The following RNF185 variants were observed in gnomAD, a reference collection of about 807,000 sequenced individuals.
RNF185 encodes the protein E3 ubiquitin-protein ligase RNF185.
A neutral mutation model predicts 24.9 loss-of-function variants in RNF185; 13 were observed. That is an observed-to-expected ratio of 0.52 (90% CI 0.34 to 0.83). The LOEUF (loss-of-function observed/expected upper bound fraction) is 0.83, where lower values mean the gene tolerates loss of function less well. RNF185 is among the 40% of genes least tolerant of loss of function. The pLI is 0.01. For missense variants in RNF185, 184 were observed against 244.7 expected, an observed-to-expected ratio of 0.75 and a Z score of 1.65; for synonymous variants, 79 against 90.3, an observed-to-expected ratio of 0.88 and a Z score of 0.71.
intron 1 of RNF185, among the ~76,000 whole-genome samples, chr22:31,166,323 A>G (rs1375271069): frequency 6.6e-6 from 1 of 152,100 alleles, no homozygotes; most frequent in East Asian, 1.9e-4. Context: ...TGGGAAATAC[A>G]GAAAAATCTC....
At chr22:31,204,055 A>G (rs1418237372) in intron 6 of RNF185, among the ~76,000 whole-genome samples, 1 of 147,262 alleles carries the variant, frequency 6.8e-6, no homozygotes, top group East Asian at 2.0e-4. Flanking sequence ...AAGAAAAAAA[A>G]AAAAAAAGGC....
At chr22:31,174,317 TAG>T (rs1306485142) in intron 1 of RNF185, among the ~76,000 whole-genome samples, 1 of 152,224 alleles carries the variant, frequency 6.6e-6, no homozygotes, top group Non-Finnish European at 1.5e-5. Context: ...GGCAACTTCT[TAG>T]ATGACACTTA....
chr22:31,203,861 C>T (rs540491550), intron 6 of RNF185, among the ~76,000 whole-genome samples: 20 of 151,718 alleles, frequency 1.3e-4, no homozygotes, highest in Admixed American at 1.3e-3. Context: ...CATGGTGAAA[C>T]CCTGTTCCTA....
At chr22:31,165,274 T>C (rs1407189438) in intron 1 of RNF185, among the ~76,000 whole-genome samples, 3 of 152,150 alleles carry the variant, frequency 2.0e-5, no homozygotes, top group Non-Finnish European at 4.4e-5. Flanking sequence ...CACTTGTTAT[T>C]GCCCACTAAA....
Position 31,195,033 on chromosome 22 carries a change from A to C in RNF185, c.196-436A>C, listed in dbSNP as rs910920043. Among the ~76,000 whole-genome samples the C allele has an allele frequency of 1.6e-4, 24 of 151,600 alleles. 1 individual carries two copies. The highest frequency in any genetic ancestry group is 1.5e-3 in the Admixed American group (23 of 15,222). Reference sequence around the variant, plus strand: ...AGTGGTGCAATCTCGGCTCACTGCAACCTCCGCCTCCCGGGTTCAAGCGAT... The same window carrying C: ...AGTGGTGCAATCTCGGCTCACTGCACCCTCCGCCTCCCGGGTTCAAGCGAT... On this transcript the variant is annotated intron_variant, in intron 3 of 6. Transcript: ENST00000326132.
At chr22:31,180,077 A>G (rs1188189887) in intron 1 of RNF185, among the ~76,000 whole-genome samples, 1 of 150,966 alleles carries the variant, frequency 6.6e-6, no homozygotes, top group South Asian at 2.1e-4. Context: ...GATTGGGGAA[A>G]ACCAGAACAT....
chr22:31,193,019 T>C (rs765695447), intron 3 of RNF185, among the ~76,000 whole-genome samples: 13 of 152,208 alleles, frequency 8.5e-5, no homozygotes, highest in Admixed American at 1.3e-4. Context: ...TCCTATCATA[T>C]CAACAGTCCC....
intron 1 of RNF185, among the ~76,000 whole-genome samples, chr22:31,173,542 C>CTT (rs1425848583): frequency 6.6e-6 from 1 of 152,122 alleles, no homozygotes; most frequent in Non-Finnish European, 1.5e-5. Flanking sequence ...GAACAGATCA[C>CTT]TGAGTTACCA....
chr22:31,164,245 T>G (rs1396282572), intron 1 of RNF185, among the ~76,000 whole-genome samples: 1 of 152,188 alleles, frequency 6.6e-6, no homozygotes, highest in African/African-American at 2.4e-5. Context: ...CATCCCAAAG[T>G]GCTGGGATTA....
intron 1 of RNF185, among the ~76,000 whole-genome samples, chr22:31,163,854 A>G (rs886159150): frequency 6.6e-6 from 1 of 151,522 alleles, no homozygotes; most frequent in East Asian, 1.9e-4. Flanking sequence ...TTGTATTTTT[A>G]GTGGAGACGG....
At position 31,173,416 on chromosome 22, in the gene RNF185, GAC is replaced by G. The variant is rs55812227; in HGVS notation, c.-49+13138_-49+13139del. Among the ~76,000 whole-genome samples, 220 of 146,894 alleles carry G rather than the reference GAC, an allele frequency of 1.5e-3. 3 individuals are homozygous for G. The South Asian group carries it at 0.019, about 12-fold the overall frequency. On this transcript the variant is annotated intron_variant, in intron 1 of 6. Transcript: ENST00000326132. ...CTGTCAACTCATTCACACACACACA[GAC>G]ACACACACACACACACACACACACG...
At chr22:31,160,783 G>C (rs957853266) in intron 1 of RNF185, among the ~76,000 whole-genome samples, 14 of 152,098 alleles carry the variant, frequency 9.2e-5, no homozygotes, top group Non-Finnish European at 1.6e-4. Context: ...CTCTAAAACG[G>C]GGCAGTGTTT....
chr22:31,196,258 C>T (rs1235544713), intron 4 of RNF185, among the ~76,000 whole-genome samples: 2 of 152,196 alleles, frequency 1.3e-5, no homozygotes, highest in East Asian at 3.9e-4. Flanking sequence ...AAAGTTCCCT[C>T]TTCCTTGAAG....
intron 1 of RNF185, among the ~76,000 whole-genome samples, chr22:31,171,980 A>G (rs1313966341): frequency 6.6e-6 from 1 of 152,174 alleles, no homozygotes; most frequent in Non-Finnish European, 1.5e-5. Flanking sequence ...AAAAAAAGAA[A>G]GGAGAAGTGA....
chr22:31,181,003 A>ATACATACTTAGT (rs2048031168), intron 1 of RNF185, among the ~76,000 whole-genome samples: 1 of 151,796 alleles, frequency 6.6e-6, no homozygotes, highest in Non-Finnish European at 1.5e-5. Flanking sequence ...ACATACTCAT[A>ATACATACTTAGT]TACATACTTA....
intron 1 of RNF185, among the ~76,000 whole-genome samples, chr22:31,180,413 C>T (rs1481261149): frequency 7.3e-5 from 11 of 150,602 alleles, no homozygotes; most frequent in Admixed American, 4.0e-4. Flanking sequence ...TGCAGTGAGC[C>T]GAGATCACAC....
chr22:31,203,735 G>C (rs1483154013), intron 6 of RNF185, among the ~76,000 whole-genome samples: 1 of 152,044 alleles, frequency 6.6e-6, no homozygotes, highest in African/African-American at 2.4e-5. Context: ...ATATTATTTG[G>C]GGTTTAGAAA....
rs139264477 is a variant in RNF185, at chr22:31,193,387, C to T, written c.195+685C>T. 2.4e-3 allele frequency among the ~76,000 whole-genome samples: 363 copies of T among 152,296 alleles called. 1 individual carries two copies. The highest frequency in any genetic ancestry group is 3.8e-3 in the Non-Finnish European group (257 of 68,026). ...ATTGACTATGAGTTTATGAAGAACA[C>T]ATAACACATTAAGTTTTGGAGCTAT... is the stretch of plus-strand genomic sequence containing the variant. On this transcript the variant is annotated intron_variant, in intron 3 of 6. Transcript: ENST00000326132.
chr22:31,167,539 TTTCTAATAAGA>T (rs1924000843), intron 1 of RNF185, among the ~76,000 whole-genome samples: 1 of 152,042 alleles, frequency 6.6e-6, no homozygotes, highest in South Asian at 2.1e-4. Flanking sequence ...ATTCTGGATA[TTTCTAATAAGA>T]TTCTAATAAG....
Sources: allele counts gnomAD v4.1 joint callset (sites outside exome capture counted in the v4.1 genomes callset), GRCh38; gene constraint gnomAD v4.1.1; transcripts MANE v1.5; gene names NCBI Gene and HGNC (gene_info 2026-07-23, HGNC 2026-07-21).